Variants in ADAMTSL1 observed in about 807,000 individuals in gnomAD.
The protein encoded by ADAMTSL1 is ADAMTS-like protein 1.
In ADAMTSL1, 126 loss-of-function variants were observed where a neutral mutation model predicts 201.8. The ratio of observed to expected loss-of-function variants is 0.62; its 90% CI spans 0.54 to 0.72. The LOEUF (loss-of-function observed/expected upper bound fraction) is 0.72. ADAMTSL1 is among the 30% of genes least tolerant of loss of function. The probability of loss-of-function intolerance (pLI) is 0.00; values close to 1 mark genes in which losing one functional copy is unlikely to be tolerated. For missense variants in ADAMTSL1, 2,679 were observed against 2,277.8 expected (o/e 1.18, Z -3.59); for synonymous variants, 1,121 against 903.4 (o/e 1.24, Z -4.32).
chr9:18,815,559 C>A (rs375195385), intron 20 of ADAMTSL1, among the ~76,000 whole-genome samples: 1 of 150,524 alleles, frequency 6.6e-6, no homozygotes, highest in Non-Finnish European at 1.5e-5. Flanking sequence ...AAAAAAAATT[C>A]TATCCAGGTG....
chr9:18,049,710 G>A lies in ADAMTSL1; in HGVS notation c.88-114152G>A, dbSNP rs145207456. ...GCCATCTTGGCTCACTGCAAGCCCC[G>A]CCTCCCGGGTTCACGCCATTCTCCC... is the stretch of plus-strand genomic sequence containing the variant. On this transcript the variant is annotated intron_variant, in intron 1 of 29. Coordinates refer to the ADAMTSL1 transcript ENST00000680146. Among the ~76,000 whole-genome samples, 469 of 150,936 alleles carry A rather than the reference G, an allele frequency of 3.1e-3. 2 individuals are homozygous for A. Among genetic ancestry groups the A allele is most frequent in the African/African-American group, 0.011 (445 of 41,094 alleles).
At chr9:18,374,325 A>T (rs749530720) in intron 2 of ADAMTSL1, among the ~76,000 whole-genome samples, 38 of 151,344 alleles carry the variant, frequency 2.5e-4, no homozygotes, top group South Asian at 1.0e-3. Context: ...TATTTATTTA[A>T]TTTTTTTTAA....
At chr9:18,410,302 T>C (rs1234593518) in intron 2 of ADAMTSL1, among the ~76,000 whole-genome samples, 6 of 152,062 alleles carry the variant, frequency 3.9e-5, no homozygotes, top group African/African-American at 1.4e-4. Context: ...GTGCAGATCA[T>C]CCTATCACCT....
chr9:18,505,876 A>G (rs2131938926), intron 2 of ADAMTSL1, among the ~76,000 whole-genome samples: 1 of 152,316 alleles, frequency 6.6e-6, no homozygotes, highest in South Asian at 2.1e-4. Flanking sequence ...CTTTAATAAG[A>G]GTGAGAATTT....
chr9:18,557,295 T>A (rs941216209), intron 3 of ADAMTSL1, among the ~76,000 whole-genome samples: 1 of 152,002 alleles, frequency 6.6e-6, no homozygotes, highest in African/African-American at 2.4e-5. Flanking sequence ...CTCTTTTCCA[T>A]TCCAGTGATT....
chr9:18,817,820 G>A (rs74744804), intron 21 of ADAMTSL1, among the ~76,000 whole-genome samples: 225 of 152,316 alleles, frequency 1.5e-3, no homozygotes, highest in African/African-American at 5.2e-3. Context: ...GTAACGACTG[G>A]ATGGACATGA....
rs553815653 is a variant in ADAMTSL1 at position 18,375,823 on chromosome 9, C to T, written c.208-129006C>T. On this transcript the variant is annotated intron_variant, in intron 2 of 29. Transcript: ENST00000680146. Reference sequence around the variant, plus strand: ...CCCTGCCCATGTCCTGCCGATTGGCCCATTTTACAGAGTGCTGATTGGTCC... The same window carrying T: ...CCCTGCCCATGTCCTGCCGATTGGCTCATTTTACAGAGTGCTGATTGGTCC... Among the ~76,000 whole-genome samples, 7 of 152,268 alleles carry T rather than the reference C, an allele frequency of 4.6e-5. No individual in the cohort carries two copies. The East Asian group carries it at 7.7e-4, about 17-fold the overall frequency.
intron 1 of ADAMTSL1, among the ~76,000 whole-genome samples, chr9:18,484,455 C>G (rs1821886086): frequency 6.6e-6 from 1 of 152,248 alleles, no homozygotes; most frequent in African/African-American, 2.4e-5. Flanking sequence ...ATTTCTTTGA[C>G]TTTTGCTTCT....
chr9:18,293,938 T>G (rs1833372443), intron 2 of ADAMTSL1, among the ~76,000 whole-genome samples: 1 of 152,172 alleles, frequency 6.6e-6, no homozygotes, highest in African/African-American at 2.4e-5. Flanking sequence ...ATAGCCATAT[T>G]AAACTGTACT....
At chr9:18,721,001 A>G (rs1218047758) in intron 14 of ADAMTSL1, among the ~76,000 whole-genome samples, 2 of 152,198 alleles carry the variant, frequency 1.3e-5, no homozygotes, top group African/African-American at 2.4e-5. Context: ...GCCCTAGGTC[A>G]CAAAAGAAAT....
At chr9:18,075,774 C>A (rs565968699) in intron 1 of ADAMTSL1, among the ~76,000 whole-genome samples, 1 of 152,152 alleles carries the variant, frequency 6.6e-6, no homozygotes, top group Non-Finnish European at 1.5e-5. Flanking sequence ...TAGTGCTGAC[C>A]CAGGCTTTGG....
chr9:18,547,363 A>G (rs534651390), intron 3 of ADAMTSL1, among the ~76,000 whole-genome samples: 2 of 152,146 alleles, frequency 1.3e-5, no homozygotes, highest in East Asian at 3.9e-4. Context: ...ATAAAATGAT[A>G]AAACCAGTGG....
At chr9:17,915,518 GC>G (rs2131278252) in intron 1 of ADAMTSL1, among the ~76,000 whole-genome samples, 1 of 152,304 alleles carries the variant, frequency 6.6e-6, no homozygotes, top group African/African-American at 2.4e-5. Context: ...TAAAGCTGCT[GC>G]AAACATTTAT....
At chr9:18,324,497 G>A (rs978391689) in intron 2 of ADAMTSL1, among the ~76,000 whole-genome samples, 1 of 151,704 alleles carries the variant, frequency 6.6e-6, no homozygotes, top group Non-Finnish European at 1.5e-5. Context: ...AGGTGCAGTG[G>A]CTCATGCCTG....
chr9:18,497,666 C>G (rs1160311693), intron 1 of ADAMTSL1, among the ~76,000 whole-genome samples: 2 of 152,088 alleles, frequency 1.3e-5, no homozygotes, highest in Non-Finnish European at 2.9e-5. Context: ...CTATGCCTTC[C>G]CTTGAGATAA....
At chr9:18,860,937 C>T (rs940367330) in intron 23 of ADAMTSL1, among the ~76,000 whole-genome samples, 1 of 152,212 alleles carries the variant, frequency 6.6e-6, no homozygotes, top group Non-Finnish European at 1.5e-5. Context: ...AATCTGCTGT[C>T]CTTGGAATGC....
At chr9:18,251,318 T>C (rs1283342685) in intron 2 of ADAMTSL1, among the ~76,000 whole-genome samples, 1 of 152,060 alleles carries the variant, frequency 6.6e-6, no homozygotes, top group Non-Finnish European at 1.5e-5. Context: ...ACATATAAAA[T>C]AGTTTTCTGA....
intron 13 of ADAMTSL1, among the ~76,000 whole-genome samples, chr9:18,700,224 C>T (rs1188548088): frequency 2.0e-5 from 3 of 151,980 alleles, no homozygotes; most frequent in African/African-American, 7.3e-5. Flanking sequence ...TTTTAAAATT[C>T]CTAAAGTGAT....
At chr9:18,577,230 A>C (rs1392661490) in intron 4 of ADAMTSL1, among the ~76,000 whole-genome samples, 2 of 152,194 alleles carry the variant, frequency 1.3e-5, no homozygotes, top group African/African-American at 4.8e-5. Flanking sequence ...TCATGCCTGT[A>C]ATCTGGGCAT....
Sources: gnomAD v4.1 joint callset for allele counts (sites outside exome capture counted in the v4.1 genomes callset) on GRCh38, gnomAD v4.1.1 for gene constraint, MANE v1.5 for transcripts, NCBI Gene and HGNC (gene_info 2026-07-23, HGNC 2026-07-21) for gene names.